The following PTK2 variants were observed in gnomAD, a reference collection of about 807,000 sequenced individuals.
PTK2 encodes focal adhesion kinase 1.
PTK2 carries 45 observed loss-of-function variants against 150.1 expected under a neutral mutation model. That is an observed-to-expected ratio of 0.30 (90% CI 0.24 to 0.38). The LOEUF (loss-of-function observed/expected upper bound fraction) is 0.38, where lower values mean the gene tolerates loss of function less well. Among genes scored for constraint, PTK2 ranks in the 10% least tolerant of loss-of-function variants. The pLI is 1.00. For synonymous variants in PTK2, 432 were observed against 449.2 expected (o/e 0.96, Z 0.48); for missense variants, 919 against 1,307.3 (o/e 0.70, Z 4.58).
At chr8:140,807,025 G>A (rs977598880) in intron 10 of PTK2, among the ~76,000 whole-genome samples, 1 of 152,168 alleles carries the variant, frequency 6.6e-6, no homozygotes, top group African/African-American at 2.4e-5. Flanking sequence ...AGCCCCATGA[G>A]GATGGGAGTA....
intron 20 of PTK2, 82 bp downstream of exon 23, chr8:140,743,148 G>T: frequency 1.1e-6 from 1 of 883,606 alleles, no homozygotes. Context: ...CAAAGATCAG[G>T]TGAGCATATT....
intron 4 of PTK2, among the ~76,000 whole-genome samples, chr8:140,873,600 G>A (rs975071188): frequency 3.9e-5 from 6 of 152,106 alleles, no homozygotes; most frequent in Non-Finnish European, 8.8e-5. Flanking sequence ...CCAGTAGCTG[G>A]GATTACAGAC....
At chr8:140,840,210 C>A (rs537344037) in intron 7 of PTK2, among the ~76,000 whole-genome samples, 1 of 152,294 alleles carries the variant, frequency 6.6e-6, no homozygotes, top group East Asian at 1.9e-4. Flanking sequence ...AGCTGCGTGC[C>A]ACCGCGCCTG....
At chr8:140,752,120 C>T (rs2100063064) in intron 17 of PTK2, 112 bp downstream of exon 20, 3 of 902,972 alleles carry the variant, frequency 3.3e-6, no homozygotes, top group Non-Finnish European at 5.3e-6. Flanking sequence ...AAATAATAAA[C>T]ATAGTTGTCT....
At chr8:140,750,238 G>A (rs1214801338) in intron 17 of PTK2, 1 of 152,196 alleles carries the variant, frequency 6.6e-6, no homozygotes, top group African/African-American at 2.4e-5. Flanking sequence ...CTGTTGGGTG[G>A]TATTTATTAC....
chr8:140,996,540 G>C (rs2100197852), intron 1 of PTK2, among the ~76,000 whole-genome samples: 1 of 152,186 alleles, frequency 6.6e-6, no homozygotes, highest in African/African-American at 2.4e-5. Context: ...ACTCTCGTTA[G>C]GGGCTAAGGC....
intron 3 of PTK2, among the ~76,000 whole-genome samples, chr8:140,888,997 T>C (rs185131902): frequency 3.9e-5 from 6 of 152,260 alleles, no homozygotes; most frequent in African/African-American, 1.2e-4. Flanking sequence ...AGGATGCTCA[T>C]TGCAGGCCTT....
intron 2 of PTK2, among the ~76,000 whole-genome samples, chr8:140,916,633 A>G (rs557027703): frequency 8.3e-4 from 127 of 152,352 alleles, no homozygotes; most frequent in Non-Finnish European, 1.5e-3. Flanking sequence ...TTCTCATTAA[A>G]TATCTGTGGA....
chr8:140,977,480 G>A (rs540853176), intron 1 of PTK2, among the ~76,000 whole-genome samples: 2 of 152,156 alleles, frequency 1.3e-5, no homozygotes, highest in East Asian at 1.9e-4. Context: ...AAAATAGCTG[G>A]GCATGGTGGT....
At chr8:140,674,797 T>C (rs1316709804) in intron 28 of PTK2, among the ~76,000 whole-genome samples, 6 of 147,636 alleles carry the variant, frequency 4.1e-5, no homozygotes, top group African/African-American at 1.5e-4. Flanking sequence ...CTGTAATCCC[T>C]AGCACTTTGG....
chr8:140,859,817 A>C (rs1233697331), intron 5 of PTK2, among the ~76,000 whole-genome samples: 1 of 130,772 alleles, frequency 7.6e-6, no homozygotes, highest in Non-Finnish European at 1.5e-5. Context: ...TGATTTTGCA[A>C]CTTTGGAATT....
At chr8:140,758,261 A>T (rs1160381226) in intron 16 of PTK2, among the ~76,000 whole-genome samples, 1 of 152,076 alleles carries the variant, frequency 6.6e-6, no homozygotes, top group East Asian at 1.9e-4. Context: ...GTTAATTTTT[A>T]AAATTTTGTT....
chr8:140,882,381 G>A (rs2100149685), intron 3 of PTK2, among the ~76,000 whole-genome samples: 1 of 152,112 alleles, frequency 6.6e-6, no homozygotes, highest in Admixed American at 6.5e-5. Context: ...AAAAATGACT[G>A]TCTCTAAAAG....
intron 1 of PTK2, among the ~76,000 whole-genome samples, chr8:140,946,350 C>A (rs1412506147): frequency 6.6e-6 from 1 of 152,022 alleles, no homozygotes; most frequent in African/African-American, 2.4e-5. Context: ...AACGAAAATA[C>A]GGATCTAAAC....
chr8:140,937,296 G>A (rs2100173989), intron 1 of PTK2, among the ~76,000 whole-genome samples: 1 of 151,948 alleles, frequency 6.6e-6, no homozygotes. Flanking sequence ...TACTTCCTGA[G>A]GAAATTATAA....
intron 19 of PTK2, among the ~76,000 whole-genome samples, chr8:140,743,681 A>G (rs537080002): frequency 1.3e-5 from 2 of 152,176 alleles, no homozygotes; most frequent in African/African-American, 4.8e-5. Context: ...TAACACTGCC[A>G]TTACTAAAGA....
chr8:141,000,618 C>T (rs944709239), intron 1 of PTK2, among the ~76,000 whole-genome samples: 3 of 151,950 alleles, frequency 2.0e-5, no homozygotes, highest in African/African-American at 7.2e-5. Flanking sequence ...CCCCGGCCTC[C>T]TCGTCTTCCT....
At position 140,864,220 on chromosome 8, in the gene PTK2, C is replaced by T. The variant is rs1268223116; in HGVS notation, c.450+92G>A. The T allele has an allele frequency of 1.9e-5, 13 of 695,896 alleles. No individual in the cohort carries two copies. In the South Asian group the frequency reaches 2.0e-4, roughly 10 times the overall value. 43.1% of individuals were successfully genotyped at this position (695,896 alleles called of 1,614,324 possible). Reference sequence around the variant, plus strand: ...AGCAACAAATTTCTATTCCTCCAAACGTGAGCTTTAATCAAATTTGAAAAT... The same window carrying T: ...AGCAACAAATTTCTATTCCTCCAAATGTGAGCTTTAATCAAATTTGAAAAT... On this transcript the variant is annotated intron_variant, in intron 5 of 31. Coordinates refer to ENST00000522684, the Ensembl canonical transcript of PTK2.
chr8:140,781,205 GA>G (rs2100081469), intron 14 of PTK2, among the ~76,000 whole-genome samples: 1 of 151,966 alleles, frequency 6.6e-6, no homozygotes, highest in South Asian at 2.1e-4. Flanking sequence ...TTTCTGCAAA[GA>G]AAAAAATAAC....
Sources: allele counts gnomAD v4.1 joint callset (sites outside exome capture counted in the v4.1 genomes callset), GRCh38; gene constraint gnomAD v4.1.1; transcripts MANE v1.5; gene names NCBI Gene and HGNC (gene_info 2026-07-23, HGNC 2026-07-21).